NEBL: variants seen among roughly 807,000 people sequenced by gnomAD.
The protein encoded by NEBL is nebulette.
A neutral mutation model predicts 140.2 loss-of-function variants in NEBL; 122 were observed. The ratio of observed to expected loss-of-function variants is 0.87; its 90% CI spans 0.75 to 1.01. The LOEUF (loss-of-function observed/expected upper bound fraction) is 1.01, where lower values mean the gene tolerates loss of function less well. Ranked by LOEUF, NEBL falls within the 50% of genes least tolerant of loss-of-function variation. The probability of loss-of-function intolerance (pLI) is 0.00; values close to 1 mark genes in which losing one functional copy is unlikely to be tolerated. For synonymous variants in NEBL, 436 were observed against 398.9 expected (o/e 1.09, Z -1.11); for missense variants, 1,365 against 1,231.3 (o/e 1.11, Z -1.62).
intron 2 of NEBL, among the ~76,000 whole-genome samples, chr10:21,249,175 T>C (rs1293149861): frequency 6.6e-6 from 1 of 152,176 alleles, no homozygotes; most frequent in African/African-American, 2.4e-5. Context: ...GTTACAGGCA[T>C]GAGCACCATA....
intron 3 of NEBL, among the ~76,000 whole-genome samples, chr10:21,180,477 G>T (rs1421013051): frequency 6.6e-6 from 1 of 152,122 alleles, no homozygotes; most frequent in African/African-American, 2.4e-5. Flanking sequence ...AAATGAAAGG[G>T]CTTATTTTAC....
At chr10:21,113,935 C>G (rs922873028) in intron 2 of NEBL, among the ~76,000 whole-genome samples, 2 of 151,114 alleles carry the variant, frequency 1.3e-5, no homozygotes, top group Non-Finnish European at 2.9e-5. Flanking sequence ...TTTATTATTT[C>G]CTTTCTTCTG....
At chr10:20,882,354 A>C (rs1319391318) in intron 4 of NEBL, among the ~76,000 whole-genome samples, 1 of 134,488 alleles carries the variant, frequency 7.4e-6, no homozygotes, top group Non-Finnish European at 1.7e-5. Context: ...GAAAAGGGGA[A>C]GGGAAAGGGA....
chr10:20,933,273 A>C (rs942192701), intron 4 of NEBL, among the ~76,000 whole-genome samples: 1 of 152,182 alleles, frequency 6.6e-6, no homozygotes, highest in Non-Finnish European at 1.5e-5. Flanking sequence ...CCATGAAAGA[A>C]AGTGTCAATT....
chr10:20,900,668 C>CA (rs113404858), upstream of NEBL, among the ~76,000 whole-genome samples: 680 of 118,486 alleles, frequency 5.7e-3, 11 homozygotes, highest in East Asian at 0.067. Flanking sequence ...TACTAAAATA[C>CA]AAAAAAAAAA....
Position 21,180,738 on chromosome 10 carries a change from T to C in NEBL, n.349-8261A>G, listed in dbSNP as rs968324751. On this transcript the variant is annotated intron_variant and non_coding_transcript_variant, in intron 3 of 8. Coordinates refer to the NEBL transcript ENST00000675702. ...CCAATTTTATCTCCAAAAAAAGCTC[T>C]TGAATCATCCCCACACCCAGACCCA... is the stretch of plus-strand genomic sequence containing the variant. Among the ~76,000 whole-genome samples, 6 of 152,258 alleles carry C rather than the reference T, an allele frequency of 3.9e-5. No homozygotes were observed. The South Asian group carries it at 1.2e-3, about 32-fold the overall frequency.
chr10:20,803,014 C>A (rs571326457), intron 26 of NEBL, among the ~76,000 whole-genome samples: 2 of 152,266 alleles, frequency 1.3e-5, no homozygotes, highest in South Asian at 4.1e-4. Flanking sequence ...AGCACTGGGA[C>A]TTAAGTCCAA....
At chr10:20,944,809 A>G (rs1247558488) in intron 4 of NEBL, among the ~76,000 whole-genome samples, 1 of 152,238 alleles carries the variant, frequency 6.6e-6, no homozygotes, top group African/African-American at 2.4e-5. Context: ...CAGAGATACA[A>G]GAAATCATAA....
At chr10:21,120,805 GTGCTAAATACACACAAC>G (rs1838537066) in intron 2 of NEBL, among the ~76,000 whole-genome samples, 1 of 151,764 alleles carries the variant, frequency 6.6e-6, no homozygotes, top group Admixed American at 6.6e-5. Flanking sequence ...TCTGAAGTCA[GTGCTAAATACACACAAC>G]TCTGCGTCGG....
At chr10:20,946,794 TA>T (rs1835184712) in intron 4 of NEBL, among the ~76,000 whole-genome samples, 1 of 152,184 alleles carries the variant, frequency 6.6e-6, no homozygotes. Context: ...AGAGTCTTAA[TA>T]TCAGGAGGCT....
chr10:21,037,063 C>T (rs1834044353), intron 2 of NEBL, among the ~76,000 whole-genome samples: 1 of 152,122 alleles, frequency 6.6e-6, no homozygotes, highest in Non-Finnish European at 1.5e-5. Flanking sequence ...TTGTAGAAGC[C>T]CACAGTCAGC....
At chr10:21,076,274 C>T (rs995911789) in intron 2 of NEBL, among the ~76,000 whole-genome samples, 7 of 151,854 alleles carry the variant, frequency 4.6e-5, no homozygotes, top group African/African-American at 2.4e-5. Flanking sequence ...AAAACCCCAT[C>T]TCTACTAAAA....
intron 2 of NEBL, among the ~76,000 whole-genome samples, chr10:21,122,519 A>T (rs1461474032): frequency 6.6e-6 from 1 of 152,114 alleles, no homozygotes; most frequent in East Asian, 1.9e-4. Flanking sequence ...TCTACTCACA[A>T]TCCAGAATAA....
At chr10:20,847,723 G>A (rs74122503) in intron 11 of NEBL, among the ~76,000 whole-genome samples, 2,729 of 152,156 alleles carry the variant, frequency 0.018, 95 homozygotes, top group African/African-American at 0.063. Flanking sequence ...AGTGATTTTT[G>A]ATCCCTGTCT....
At chr10:20,786,043 T>A in intron 27 of NEBL, 120 bp from the exon 28 acceptor site, 1 of 927,636 alleles carries the variant, frequency 1.1e-6, no homozygotes, top group South Asian at 1.5e-5. Flanking sequence ...AACACATGTA[T>A]CTCTGGAAAT....
intron 4 of NEBL, among the ~76,000 whole-genome samples, chr10:20,887,057 C>A (rs1436657296): frequency 6.6e-6 from 1 of 152,094 alleles, no homozygotes; most frequent in African/African-American, 2.4e-5. Context: ...AATAACCTCC[C>A]CAAATTTGAT....
chr10:20,980,436 A>T (rs1354634972), intron 3 of NEBL, among the ~76,000 whole-genome samples: 1 of 152,202 alleles, frequency 6.6e-6, no homozygotes, highest in Non-Finnish European at 1.5e-5. Flanking sequence ...AGAGACACTG[A>T]AAGAAAAGTA....
chr10:20,994,657 T>C (rs1837595934), intron 3 of NEBL, among the ~76,000 whole-genome samples: 1 of 152,232 alleles, frequency 6.6e-6, no homozygotes, highest in Admixed American at 6.5e-5. Flanking sequence ...TAGCCTGCTA[T>C]TCACTGGAAG....
chr10:21,003,313 C>CT (rs1430118949), intron 3 of NEBL, among the ~76,000 whole-genome samples: 2 of 152,122 alleles, frequency 1.3e-5, no homozygotes, highest in African/African-American at 4.8e-5. Context: ...AGGGAAACAG[C>CT]TTTATGGATT....
Sources: allele counts gnomAD v4.1 joint callset (sites outside exome capture counted in the v4.1 genomes callset), GRCh38; gene constraint gnomAD v4.1.1; transcripts MANE v1.5; gene names NCBI Gene and HGNC (gene_info 2026-07-23, HGNC 2026-07-21).